The following TUNAR variants were observed in gnomAD, a reference collection of about 807,000 sequenced individuals.
TUNAR encodes protein TUNAR.
chr14:95,908,380 A>C (rs1889458313), intron 2 of TUNAR, among the ~76,000 whole-genome samples: 3 of 152,220 alleles, frequency 2.0e-5, no homozygotes, highest in Non-Finnish European at 4.4e-5. Flanking sequence ...ACGACCTGCC[A>C]CTGCCATCAC....
rs928448609 is a variant in TUNAR, at chr14:95,895,555, C to T, written c.12+18378C>T. On this transcript the variant is annotated intron_variant, in intron 2 of 2. Transcript: ENST00000678517. This position sits in a 1 kb window ranked among gnomAD's most constrained non-coding sequence, Gnocchi z 4.5. ...ATCTGTTTTACAAGGGAGTTCCCGACGCATCCTCCAGGATCATGGTTCGCT... is the reference window on the plus strand; with the variant it reads ...ATCTGTTTTACAAGGGAGTTCCCGATGCATCCTCCAGGATCATGGTTCGCT... 3.9e-5 allele frequency among the ~76,000 whole-genome samples: 6 copies of T among 152,124 alleles called. No individual in the cohort carries two copies. Among genetic ancestry groups the T allele is most frequent in the African/African-American group, 1.4e-4 (6 of 41,404 alleles).
At chr14:95,918,929 A>G (rs74085768) in intron 2 of TUNAR, among the ~76,000 whole-genome samples, 7,093 of 152,098 alleles carry the variant, frequency 0.047, 547 homozygotes, top group African/African-American at 0.16. Context: ...ATTCAGCACA[A>G]TTTTCTTAAG....
At chr14:95,914,392 G>A (rs2180895) in intron 2 of TUNAR, among the ~76,000 whole-genome samples, 16,753 of 152,194 alleles carry the variant, frequency 0.11, 2,274 homozygotes, top group African/African-American at 0.32. Flanking sequence ...TTGTAGCATC[G>A]TAAGTCATGG....
intron 2 of TUNAR, among the ~76,000 whole-genome samples, chr14:95,902,773 C>T (rs763105814): frequency 2.0e-5 from 3 of 152,152 alleles, no homozygotes; most frequent in African/African-American, 4.8e-5. Flanking sequence ...AGACTAGAGA[C>T]GGTGTCACCT....
exon 3 of TUNAR, chr14:95,923,710 C>T (rs1389253474): frequency 6.6e-6 from 1 of 152,080 alleles, no homozygotes; most frequent in Non-Finnish European, 1.5e-5. Flanking sequence ...AGTCTTTTAC[C>T]TTGCGCTTTT....
intron 2 of TUNAR, among the ~76,000 whole-genome samples, chr14:95,899,407 C>T (rs1889313311): frequency 6.6e-6 from 1 of 152,142 alleles, no homozygotes; most frequent in Non-Finnish European, 1.5e-5. Flanking sequence ...TGGAGCAGCA[C>T]CCACTAGAAG....
At chr14:95,890,503 G>A (rs910178181) in intron 2 of TUNAR, among the ~76,000 whole-genome samples, 2 of 152,180 alleles carry the variant, frequency 1.3e-5, no homozygotes, top group African/African-American at 4.8e-5. Context: ...CTGTGGCTGG[G>A]AGGTGGTGTC....
At chr14:95,923,108 A>T in exon 3 of TUNAR, 1 of 396,682 alleles carries the variant, frequency 2.5e-6, no homozygotes, top group East Asian at 3.6e-5. Context: ...CAAACTTTAC[A>T]AAAGGTCACA....
rs183360019 is a variant in TUNAR at position 95,890,256 on chromosome 14, C to T, written c.12+13079C>T. 4.6e-5 allele frequency among the ~76,000 whole-genome samples: 7 copies of T among 152,334 alleles called. No homozygotes were observed. In the East Asian group the frequency reaches 1.3e-3, roughly 29 times the overall value. ...CAGCGACCAGGATGTTTTCCTTCCTCTCTGTCTGGAGCCCCAGGTCTCACC... is the reference window on the plus strand; with the variant it reads ...CAGCGACCAGGATGTTTTCCTTCCTTTCTGTCTGGAGCCCCAGGTCTCACC... On this transcript the variant is annotated intron_variant, in intron 2 of 2. Coordinates refer to ENST00000678517, the Ensembl canonical transcript of TUNAR.
chr14:95,877,637 C>T (rs1244136792), intron 2 of TUNAR, among the ~76,000 whole-genome samples: 2 of 152,114 alleles, frequency 1.3e-5, no homozygotes, highest in Non-Finnish European at 2.9e-5. Context: ...AGTGGGAGAC[C>T]AGGATTGGAA....
At chr14:95,922,955 A>G in exon 3 of TUNAR, 1 of 399,058 alleles carries the variant, frequency 2.5e-6, no homozygotes, top group East Asian at 3.6e-5. Flanking sequence ...CTACATATAC[A>G]CCACCCTGTG....
intron 2 of TUNAR, among the ~76,000 whole-genome samples, chr14:95,911,628 C>T (rs8017832): frequency 0.16 from 23,791 of 152,122 alleles, 2,321 homozygotes; most frequent in African/African-American, 0.26. Flanking sequence ...ATAGGATCAG[C>T]GTGAACCTTC....
intron 2 of TUNAR, among the ~76,000 whole-genome samples, chr14:95,908,420 C>T (rs372937844): frequency 1.3e-5 from 2 of 152,180 alleles, no homozygotes; most frequent in East Asian, 3.9e-4. Flanking sequence ...CACCAGGCAA[C>T]GATCTGTCAG....
At chr14:95,894,533 G>A (rs1254429159) in intron 2 of TUNAR, among the ~76,000 whole-genome samples, 4 of 152,158 alleles carry the variant, frequency 2.6e-5, no homozygotes, top group Non-Finnish European at 5.9e-5. Flanking sequence ...GGTTTGCGGG[G>A]CCCCTGGCAA....
chr14:95,888,459 C>T (rs1195430734), intron 2 of TUNAR, among the ~76,000 whole-genome samples: 2 of 152,156 alleles, frequency 1.3e-5, no homozygotes, highest in African/African-American at 2.4e-5. Flanking sequence ...CTGCGGGCCT[C>T]ATGTGAGGTT....
chr14:95,883,664 C>T (rs996268770), intron 2 of TUNAR, among the ~76,000 whole-genome samples: 1 of 152,140 alleles, frequency 6.6e-6, no homozygotes, highest in Non-Finnish European at 1.5e-5. Flanking sequence ...GGGGAGAGCC[C>T]AGGCTGGGAG....
At chr14:95,896,177 A>T (rs906086190) in intron 2 of TUNAR, among the ~76,000 whole-genome samples, 4 of 151,938 alleles carry the variant, frequency 2.6e-5, no homozygotes, top group Non-Finnish European at 5.9e-5. Context: ...GCACCTACCC[A>T]CCTGCTGCCT....
chr14:95,896,466 C>T (rs1408310802), intron 2 of TUNAR, among the ~76,000 whole-genome samples: 2 of 152,186 alleles, frequency 1.3e-5, no homozygotes, highest in South Asian at 2.1e-4. Flanking sequence ...CACCTCCTGC[C>T]CTGTTTTGTG....
At position 95,876,888 on chromosome 14, in the gene TUNAR, A is replaced by C. The variant is rs112185183; in HGVS notation, c.-278A>C. On this transcript the variant is annotated 5_prime_UTR_variant, in exon 2 of 3. An upstream start codon of the reference 5' UTR is lost. Coordinates refer to ENST00000678517, the Ensembl canonical transcript of TUNAR. Reference sequence around the variant, plus strand: ...CTCCCGCCGAGCCCCGGCGCGGGGCATGAGGAGCCCCCGGGTGCCGCCCAG... The same window carrying C: ...CTCCCGCCGAGCCCCGGCGCGGGGCCTGAGGAGCCCCCGGGTGCCGCCCAG... The C allele has an allele frequency of 6.2e-3, 949 of 152,426 alleles. 2 individuals are homozygous for C. Among genetic ancestry groups the C allele is most frequent in the Non-Finnish European group, 0.011 (734 of 68,182 alleles). 9.4% of individuals were successfully genotyped at this position (152,426 alleles called of 1,614,324 possible). A position where few individuals can be genotyped will look rare whatever the true frequency, so the allele number is the denominator to read the frequency against.
Sources: allele counts gnomAD v4.1 joint callset (sites outside exome capture counted in the v4.1 genomes callset), GRCh38; gene constraint gnomAD v4.1.1; non-coding constraint Gnocchi (gnomAD v3.1); transcripts MANE v1.5; gene names NCBI Gene and HGNC (gene_info 2026-07-23, HGNC 2026-07-21).